INVS: variants seen among roughly 807,000 people sequenced by gnomAD.
INVS encodes inversion of embryo turning homolog.
Under a neutral mutation model 108.8 loss-of-function variants are expected in INVS, and 86 were observed. The observed-to-expected ratio is 0.79, with a 90% confidence interval of 0.66 to 0.95. The LOEUF is 0.95. Among genes scored for constraint, INVS ranks in the 40% least tolerant of loss-of-function variants. The pLI is 0.00. For missense variants in INVS, 1,169 were observed against 1,297.4 expected (o/e 0.90, Z 1.52); for synonymous variants, 455 against 473.5 (o/e 0.96, Z 0.51).
chr9:100,240,267 A>C (rs1831824100), intron 6 of INVS, 27 bp downstream of exon 6: 1 of 1,568,990 alleles, frequency 6.4e-7, no homozygotes, highest in Admixed American at 1.7e-5. Context: ...ATCAACAGTA[A>C]AAGGAACTTC....
rs370734063 is a variant in INVS at position 100,220,160 on chromosome 9, A to G, written c.274-5902A>G. Among the ~76,000 whole-genome samples, 126 of 152,288 alleles carry G rather than the reference A, an allele frequency of 8.3e-4. 2 individuals are homozygous for G. Among genetic ancestry groups the G allele is most frequent in the African/African-American group, 2.8e-3 (116 of 41,576 alleles). On this transcript the variant is annotated intron_variant, in intron 3 of 16. Transcript: ENST00000262457. ...TTTAAAAAAAGGAGTTCATCTTAAG[A>G]GAACTGGACAGACACAAATATAAAG...
intron 3 of INVS, chr9:100,132,012 C>G (rs1314419354): frequency 5.4e-6 from 2 of 369,976 alleles, no homozygotes; most frequent in East Asian, 3.3e-4. Context: ...ACAAACAATC[C>G]ACGCCCCAGT....
intron 7 of INVS, among the ~76,000 whole-genome samples, chr9:100,243,683 G>T (rs780525662): frequency 6.6e-5 from 10 of 152,090 alleles, no homozygotes; most frequent in Non-Finnish European, 1.2e-4. Flanking sequence ...ACATGGGTAT[G>T]CATAGTGAAA....
intron 10 of INVS, among the ~76,000 whole-genome samples, chr9:100,253,688 GT>G (rs1159523460): frequency 4.6e-5 from 7 of 152,136 alleles, no homozygotes; most frequent in African/African-American, 1.7e-4. Context: ...CCTTGCGATA[GT>G]TTGCTGAGAA....
intron 5 of INVS, among the ~76,000 whole-genome samples, chr9:100,239,231 T>G (rs1364419336): frequency 1.3e-5 from 2 of 152,188 alleles, no homozygotes; most frequent in African/African-American, 4.8e-5. Context: ...AAAATGGGAA[T>G]AGCCTAAATG....
intron 3 of INVS, among the ~76,000 whole-genome samples, chr9:100,197,549 C>A (rs775272808): frequency 6.6e-6 from 1 of 152,212 alleles, no homozygotes; most frequent in Admixed American, 6.5e-5. Flanking sequence ...TTCTTGTTCA[C>A]CTTCCTATAA....
At chr9:100,202,674 G>A (rs1200949858) in intron 3 of INVS, among the ~76,000 whole-genome samples, 1 of 151,924 alleles carries the variant, frequency 6.6e-6, no homozygotes, top group African/African-American at 2.4e-5. Context: ...TTATTTTGGG[G>A]GCCTTCAGAA....
intron 10 of INVS, among the ~76,000 whole-genome samples, chr9:100,256,496 A>C (rs1289765607): frequency 6.6e-6 from 1 of 151,984 alleles, no homozygotes; most frequent in Non-Finnish European, 1.5e-5. Flanking sequence ...TAGTTCTTTT[A>C]ATTGTGATGC....
intron 13 of INVS, 35 bp downstream of exon 13, chr9:100,284,638 C>T: frequency 7.5e-6 from 12 of 1,604,104 alleles, no homozygotes; most frequent in Non-Finnish European, 1.0e-5. Context: ...TCTGCCGGCC[C>T]ATGGACTGTG....
At chr9:100,148,020 C>CAA (rs551874913) in intron 3 of INVS, among the ~76,000 whole-genome samples, 16 of 79,076 alleles carry the variant, frequency 2.0e-4, no homozygotes, top group South Asian at 5.6e-4. Context: ...CCTGTCTCTA[C>CAA]AAAAAAAAAA....
At chr9:100,287,121 G>C (rs1471914271) in intron 13 of INVS, among the ~76,000 whole-genome samples, 1 of 152,192 alleles carries the variant, frequency 6.6e-6, no homozygotes, top group African/African-American at 2.4e-5. Context: ...AGAGTCAGTG[G>C]AATTCCATGT....
chr9:100,281,828 T>C (rs1362519967), intron 12 of INVS, among the ~76,000 whole-genome samples: 1 of 151,586 alleles, frequency 6.6e-6, no homozygotes, highest in Non-Finnish European at 1.5e-5. Flanking sequence ...GGATCCCCTG[T>C]TCCTCATGTG....
intron 13 of INVS, among the ~76,000 whole-genome samples, chr9:100,289,436 C>T (rs893448287): frequency 2.6e-5 from 4 of 152,174 alleles, no homozygotes; most frequent in South Asian, 2.1e-4. Flanking sequence ...TGTTGGTTAT[C>T]TCTTGTGGCA....
intron 14 of INVS, among the ~76,000 whole-genome samples, chr9:100,294,305 C>G (rs765569479): frequency 6.6e-6 from 1 of 152,158 alleles, no homozygotes; most frequent in African/African-American, 2.4e-5. Context: ...AAAAGGAAGA[C>G]GTTCTCTCCT....
At chr9:100,246,857 T>G in intron 8 of INVS, 70 bp downstream of exon 8, 1 of 1,334,142 alleles carries the variant, frequency 7.5e-7, no homozygotes, top group Non-Finnish European at 1.1e-6. Context: ...CTATAAAATT[T>G]GTAAAATAGC....
At chr9:100,298,292 AAATACTGTC>A (rs1833850581) in intron 16 of INVS, 1 of 1,301,792 alleles carries the variant, frequency 7.7e-7, no homozygotes, top group African/African-American at 1.5e-5. Flanking sequence ...AAATAAATGA[AAATACTGTC>A]ACTCTTCAAA....
At chr9:100,217,171 T>C (rs1831015991) in intron 3 of INVS, among the ~76,000 whole-genome samples, 1 of 152,030 alleles carries the variant, frequency 6.6e-6, no homozygotes, top group South Asian at 2.1e-4. Context: ...TAGCCAGGCA[T>C]GGGGGCACAC....
At chr9:100,225,406 C>A (rs1254584471) in intron 3 of INVS, among the ~76,000 whole-genome samples, 1 of 152,144 alleles carries the variant, frequency 6.6e-6, no homozygotes, top group East Asian at 1.9e-4. Flanking sequence ...AAATAGCTTT[C>A]TTTAAGAAAA....
Position 100,292,774 on chromosome 9 carries a change from G to C in INVS, c.2517G>C (p.Lys839Asn). The C allele has an allele frequency of 6.2e-7, 1 of 1,614,142 alleles. No homozygotes were observed. Among genetic ancestry groups the C allele is most frequent in the Non-Finnish European group, 8.5e-7 (1 of 1,180,016 alleles). ...CAAGAAACAAAGTGACACAAGCCAA[G>C]CTCACAGGAGGGCTCTATTCACATT... Reference protein sequence around the residue: ...RTPRNKVTQAKLTGGLYSHLP... With the variant: ...RTPRNKVTQANLTGGLYSHLP... The change falls in exon 14 of 17, where the codon AAG becomes AAC. Residue 839 changes from lysine (K) to asparagine (N), a missense_variant. Lys to Asn is a moderately conservative substitution (Grantham distance 94, BLOSUM62 0). This residue lies in a region of INVS where 533 missense variants were observed against 536.0 expected (regional missense o/e 0.99). Coordinates refer to ENST00000262457, the MANE Select transcript of INVS (RefSeq NM_014425.5).
Sources: allele counts gnomAD v4.1 joint callset (sites outside exome capture counted in the v4.1 genomes callset), GRCh38; gene constraint gnomAD v4.1.1; regional missense constraint gnomAD v4.1.1; transcripts MANE v1.5; gene names NCBI Gene and HGNC (gene_info 2026-07-23, HGNC 2026-07-21).